CADPS: variants seen among roughly 807,000 people sequenced by gnomAD.
CADPS encodes the protein calcium-dependent secretion activator 1.
Under a neutral mutation model 167.3 loss-of-function variants are expected in CADPS, and 57 were observed. The ratio of observed to expected loss-of-function variants is 0.34; its 90% CI spans 0.28 to 0.42. The LOEUF is 0.42. CADPS is among the 20% of genes least tolerant of loss of function. CADPS has a pLI of 1.00. For synonymous variants in CADPS, 676 were observed against 635.3 expected, an observed-to-expected ratio of 1.06 and a Z score of -0.96; for missense variants, 1,414 against 1,738.1, an observed-to-expected ratio of 0.81 and a Z score of 3.32.
At chr3:62,542,110 A>G (rs1440315782) in intron 11 of CADPS, among the ~76,000 whole-genome samples, 4 of 152,158 alleles carry the variant, frequency 2.6e-5, no homozygotes, top group Non-Finnish European at 4.4e-5. Context: ...AATTATGATT[A>G]TATTACTAAC....
At chr3:62,696,571 C>T (rs2080318512) in intron 3 of CADPS, among the ~76,000 whole-genome samples, 1 of 151,854 alleles carries the variant, frequency 6.6e-6, no homozygotes, top group Non-Finnish European at 1.5e-5. Flanking sequence ...TTAAATAATT[C>T]CAACCTATTC....
At chr3:62,865,787 T>C (rs1267919224) in intron 1 of CADPS, among the ~76,000 whole-genome samples, 1 of 152,154 alleles carries the variant, frequency 6.6e-6, no homozygotes, top group Non-Finnish European at 1.5e-5. Flanking sequence ...TATTATTTAT[T>C]TATACCTTAA....
intron 12 of CADPS, among the ~76,000 whole-genome samples, chr3:62,535,110 A>C (rs1013721789): frequency 6.6e-6 from 1 of 152,134 alleles, no homozygotes; most frequent in Non-Finnish European, 1.5e-5. Context: ...ATTTAAGTTC[A>C]GAGGCACATT....
chr3:62,533,753 A>C (rs2151996107), intron 12 of CADPS, among the ~76,000 whole-genome samples: 1 of 152,034 alleles, frequency 6.6e-6, no homozygotes, highest in East Asian at 1.9e-4. Flanking sequence ...GTGTTTTTTA[A>C]ATTTTTCAAA....
At chr3:62,496,317 A>G (rs981822900) in intron 18 of CADPS, among the ~76,000 whole-genome samples, 1 of 152,076 alleles carries the variant, frequency 6.6e-6, no homozygotes, top group African/African-American at 2.4e-5. Context: ...CAATAAATTG[A>G]GCTGGGACAA....
intron 10 of CADPS, among the ~76,000 whole-genome samples, chr3:62,556,817 CA>C (rs2078227989): frequency 6.6e-6 from 1 of 151,834 alleles, no homozygotes; most frequent in Admixed American, 6.6e-5. Context: ...TTAAGGGCTT[CA>C]TTGTCTCTGC....
chr3:62,439,212 C>G (rs1409695357), intron 27 of CADPS: 1 of 152,144 alleles, frequency 6.6e-6, no homozygotes, highest in Non-Finnish European at 1.5e-5. Flanking sequence ...AGTATCATTT[C>G]TCTACTAGAC....
chr3:62,871,229 G>C (rs974810150), intron 1 of CADPS, among the ~76,000 whole-genome samples: 2 of 151,962 alleles, frequency 1.3e-5, no homozygotes, highest in African/African-American at 2.4e-5. Flanking sequence ...CTGTTCCTTC[G>C]GAAGTGTTCT....
In CADPS at chr3:62,602,238, A is replaced by G. The variant is rs911132868; in HGVS notation, c.1326-9490T>C. Reference sequence around the variant, plus strand: ...TTAGGCAAATAAGGACCCTTGGAGAATTGGATTTTGTGCAGGTTGGTGCTG... The same window carrying G: ...TTAGGCAAATAAGGACCCTTGGAGAGTTGGATTTTGTGCAGGTTGGTGCTG... On this transcript the variant is annotated intron_variant, in intron 6 of 29. Transcript: ENST00000383710. This position sits in a 1 kb window ranked among gnomAD's most constrained non-coding sequence, Gnocchi z 4.4. Among the ~76,000 whole-genome samples the G allele has an allele frequency of 5.9e-4, 68 of 115,260 alleles. No homozygotes were observed. Among genetic ancestry groups the G allele is most frequent in the African/African-American group, 2.1e-3 (63 of 29,722 alleles). 75.6% of individuals were successfully genotyped at this position (115,260 alleles called of 152,430 possible).
intron 11 of CADPS, among the ~76,000 whole-genome samples, chr3:62,543,751 C>G (rs1394431760): frequency 6.6e-6 from 1 of 152,060 alleles, no homozygotes; most frequent in Non-Finnish European, 1.5e-5. Context: ...ATTCAGAATA[C>G]TCAAATACAT....
At chr3:62,485,879 A>G (rs1472462818) in intron 21 of CADPS, among the ~76,000 whole-genome samples, 1 of 152,164 alleles carries the variant, frequency 6.6e-6, no homozygotes, top group Non-Finnish European at 1.5e-5. Flanking sequence ...AAGGTAGGAT[A>G]CTGAGCCTCA....
intron 28 of CADPS, among the ~76,000 whole-genome samples, chr3:62,408,438 C>A (rs2048319208): frequency 6.6e-6 from 1 of 152,172 alleles, no homozygotes; most frequent in Non-Finnish European, 1.5e-5. Flanking sequence ...CTCTTCCTAG[C>A]CCTGCTCTTG....
Position 62,585,178 on chromosome 3 carries a change from C to T in CADPS, c.1577+7G>A. The T allele has an allele frequency of 6.2e-7, 1 of 1,612,772 alleles. No homozygotes were observed. Among genetic ancestry groups the T allele is most frequent in the Non-Finnish European group, 8.5e-7 (1 of 1,178,922 alleles). On this transcript the variant is annotated splice_region_variant and intron_variant, in intron 8 of 29. Coordinates refer to ENST00000383710, the MANE Select transcript of CADPS (RefSeq NM_003716.4). ...CCAAAACTGCTAGTTGGGGAAGAAA[C>T]ACTTACCCAGAATGCTTCATGTTTT...
At position 62,804,102 on chromosome 3, in the gene CADPS, C is replaced by G. The variant is rs73842287; in HGVS notation, c.442-38118G>C. Reference sequence around the variant, plus strand: ...TGAACAGCCCTGGTCACAATCAGGACGTATTAATTTGCTTGCTTACTTGAT... The same window carrying G: ...TGAACAGCCCTGGTCACAATCAGGAGGTATTAATTTGCTTGCTTACTTGAT... On this transcript the variant is annotated intron_variant, in intron 1 of 29. Coordinates refer to ENST00000383710, the MANE Select transcript of CADPS (RefSeq NM_003716.4). Among the ~76,000 whole-genome samples, 544 of 152,182 alleles carry G rather than the reference C, an allele frequency of 3.6e-3. 6 individuals carry two copies. The highest frequency in any genetic ancestry group is 0.012 in the African/African-American group (497 of 41,544).
chr3:62,440,507 C>G (rs1056215666), intron 27 of CADPS: 23 of 93,030 alleles, frequency 2.5e-4, no homozygotes, highest in Non-Finnish European at 3.9e-4. Context: ...CCCCCCCCCC[C>G]CATAATATTA....
At chr3:62,401,089 A>C (rs1302797919) in intron 29 of CADPS, among the ~76,000 whole-genome samples, 2 of 152,212 alleles carry the variant, frequency 1.3e-5, no homozygotes, top group Non-Finnish European at 2.9e-5. Flanking sequence ...TCAATCATGC[A>C]TCAACCTGCA....
intron 1 of CADPS, among the ~76,000 whole-genome samples, chr3:62,769,255 A>C (rs1427416787): frequency 6.6e-6 from 1 of 151,970 alleles, no homozygotes; most frequent in Non-Finnish European, 1.5e-5. Context: ...AAACAAAAAA[A>C]CAGAGTCTCA....
intron 3 of CADPS, among the ~76,000 whole-genome samples, chr3:62,752,657 G>A (rs1472933894): frequency 1.3e-5 from 2 of 152,200 alleles, no homozygotes; most frequent in Non-Finnish European, 2.9e-5. Flanking sequence ...CAGGAAGGAA[G>A]GTCCTTGTTT....
At chr3:62,868,591 C>G (rs1009383658) in intron 1 of CADPS, among the ~76,000 whole-genome samples, 1 of 152,072 alleles carries the variant, frequency 6.6e-6, no homozygotes, top group Non-Finnish European at 1.5e-5. Context: ...AAAATGCATT[C>G]GTAGATCAGT....
Sources: gnomAD v4.1 joint callset for allele counts (sites outside exome capture counted in the v4.1 genomes callset) on GRCh38, gnomAD v4.1.1 for gene constraint, Gnocchi (gnomAD v3.1) non-coding constraint, MANE v1.5 for transcripts, NCBI Gene and HGNC (gene_info 2026-07-23, HGNC 2026-07-21) for gene names.